Variants in SYTL5 observed in about 807,000 individuals in gnomAD.
SYTL5 encodes the protein synaptotagmin-like protein 5.
In SYTL5, 34 loss-of-function variants were observed where a neutral mutation model predicts 55.9. The observed-to-expected ratio is 0.61, with a 90% CI of 0.46 to 0.81. The LOEUF (loss-of-function observed/expected upper bound fraction) is 0.81, where lower values mean the gene tolerates loss of function less well. Among genes scored for constraint, SYTL5 ranks in the 30% least tolerant of loss-of-function variants. The pLI, the probability that SYTL5 is intolerant of heterozygous loss-of-function variation, is 0.00. For synonymous variants in SYTL5, 221 were observed against 188.7 expected, an observed-to-expected ratio of 1.17 and a Z score of -1.40; for missense variants, 637 against 546.7, an observed-to-expected ratio of 1.17 and a Z score of -1.65.
chrX:38,014,154 G>A (rs1281534993), intron 1 of SYTL5, among the ~76,000 whole-genome samples: 3 of 112,508 alleles, frequency 2.7e-5, no homozygotes, highest in African/African-American at 9.7e-5. Context: ...CTGGGCACTG[G>A]TATAAATTTG....
At chrX:38,053,327 C>T (rs2147296888) in intron 2 of SYTL5, among the ~76,000 whole-genome samples, 1 of 112,617 alleles carries the variant, frequency 8.9e-6, no homozygotes, top group Admixed American at 9.4e-5. Context: ...AAGCAGCATG[C>T]TGGGAACTTT....
chrX:38,087,071 C>T (rs1275062887), intron 6 of SYTL5, among the ~76,000 whole-genome samples: 2 of 111,070 alleles, frequency 1.8e-5, no homozygotes, highest in Non-Finnish European at 3.8e-5. Context: ...CATGATGGGG[C>T]GTTTCTCAAA....
At chrX:37,905,386 G>A in the SYTL5 span, among the ~76,000 whole-genome samples, 4 of 96,549 alleles carry the variant, frequency 4.1e-5, no homozygotes, top group Admixed American at 3.4e-4. Context: ...TTTGGGCATA[G>A]CCATATCCAC....
At chrX:38,090,719 G>A (rs1013938659) in intron 7 of SYTL5, among the ~76,000 whole-genome samples, 1 of 112,696 alleles carries the variant, frequency 8.9e-6, no homozygotes, top group Non-Finnish European at 1.9e-5. Context: ...GGGGCAAGGT[G>A]TTCCACCACG....
the SYTL5 span, chrX:37,906,267 A>T: frequency 8.9e-6 from 1 of 112,094 alleles, no homozygotes; most frequent in Non-Finnish European, 1.9e-5. Context: ...TGGAGACAGA[A>T]AGTTAGATTT....
At chrX:38,121,441 A>T (rs1937570141) in intron 14 of SYTL5, among the ~76,000 whole-genome samples, 2 of 112,176 alleles carry the variant, frequency 1.8e-5, no homozygotes, top group Admixed American at 1.9e-4. Context: ...TCCTCACTTC[A>T]AAGGGCTGTT....
At chrX:38,046,611 C>T (rs2017696973) in intron 2 of SYTL5, among the ~76,000 whole-genome samples, 1 of 111,564 alleles carries the variant, frequency 9.0e-6, no homozygotes, top group African/African-American at 3.3e-5. Flanking sequence ...CAAACCATAT[C>T]ATTCTGCCTC....
intron 12 of SYTL5, 52 bp downstream of exon 12, chrX:38,108,751 A>AACCATTGAAGTTG: frequency 1.3e-6 from 1 of 792,136 alleles, no homozygotes; most frequent in Non-Finnish European, 1.9e-6. Flanking sequence ...CACAACTTCA[A>AACCATTGAAGTTG]TGGTTTAGAA....
At chrX:37,975,852 G>T in the SYTL5 span, among the ~76,000 whole-genome samples, 10 of 111,751 alleles carry the variant, frequency 8.9e-5, no homozygotes, top group Middle Eastern at 9.1e-3. Context: ...TAATCCTGTT[G>T]TTTTCAGGAT....
chrX:38,003,215 C>T (rs1348151677), upstream of SYTL5, among the ~76,000 whole-genome samples: 4 of 111,305 alleles, frequency 3.6e-5, no homozygotes, highest in Non-Finnish European at 3.8e-5. Context: ...CTGTTCTGTT[C>T]CATTGGTCTA....
rs768787076 is a variant in SYTL5, at chrX:38,099,212, A to G, written c.1062+2978A>G. ...AGCAAGGAAAATAGCTGGAAAAGTGATAATTGTTAAAACTAGGTAATCAGT... is the reference window on the plus strand; with the variant it reads ...AGCAAGGAAAATAGCTGGAAAAGTGGTAATTGTTAAAACTAGGTAATCAGT... On this transcript the variant is annotated intron_variant, in intron 9 of 16. Transcript: ENST00000297875. Among the ~76,000 whole-genome samples the G allele has an allele frequency of 1.5e-4, 17 of 111,222 alleles. No homozygotes were observed. The East Asian group carries it at 4.2e-3, about 28-fold the overall frequency.
At chrX:38,041,722 A>G (rs1935294837) in intron 2 of SYTL5, among the ~76,000 whole-genome samples, 1 of 112,490 alleles carries the variant, frequency 8.9e-6, no homozygotes, top group African/African-American at 3.2e-5. Flanking sequence ...CGTTACTTGT[A>G]AGGTGCACCA....
At chrX:38,032,322 G>A (rs2147194488) in intron 1 of SYTL5, among the ~76,000 whole-genome samples, 1 of 112,109 alleles carries the variant, frequency 8.9e-6, no homozygotes, top group Non-Finnish European at 1.9e-5. Flanking sequence ...AGCAGCTTTA[G>A]AGAGAGAATC....
At chrX:38,114,102 G>C (rs1172448746) in intron 13 of SYTL5, among the ~76,000 whole-genome samples, 1 of 111,259 alleles carries the variant, frequency 9.0e-6, no homozygotes, top group Admixed American at 9.5e-5. Flanking sequence ...AAGTGCCTTA[G>C]CATCTTCTGG....
chrX:38,009,704 A>G (rs1289847102), intron 1 of SYTL5, among the ~76,000 whole-genome samples: 4 of 111,183 alleles, frequency 3.6e-5, no homozygotes, highest in African/African-American at 1.3e-4. Flanking sequence ...CAGAAAGTCC[A>G]CACCTCATGG....
chrX:37,997,237 C>T, the SYTL5 span, among the ~76,000 whole-genome samples: 2 of 112,266 alleles, frequency 1.8e-5, no homozygotes, highest in Admixed American at 1.9e-4. Context: ...CTTTGTGGAG[C>T]TGGTGGGAGC....
At chrX:37,994,984 C>T in the SYTL5 span, among the ~76,000 whole-genome samples, 1 of 111,299 alleles carries the variant, frequency 9.0e-6, no homozygotes, top group Admixed American at 9.5e-5. Context: ...AAGCTATCCC[C>T]AGAGAGCTGA....
At chrX:37,925,474 C>T in the SYTL5 span, among the ~76,000 whole-genome samples, 2 of 111,861 alleles carry the variant, frequency 1.8e-5, no homozygotes, top group East Asian at 2.8e-4. Context: ...TTTTCTGTAG[C>T]AGCTCTGCTA....
intron 1 of SYTL5, among the ~76,000 whole-genome samples, chrX:38,032,467 A>G (rs1369649865): frequency 4.5e-5 from 5 of 111,223 alleles, no homozygotes; most frequent in Admixed American, 9.6e-5. Context: ...AAAATAATTC[A>G]CAAACAACCA....
Sources: allele counts gnomAD v4.1 joint callset (sites outside exome capture counted in the v4.1 genomes callset), GRCh38; gene constraint gnomAD v4.1.1; transcripts MANE v1.5; gene names NCBI Gene and HGNC (gene_info 2026-07-23, HGNC 2026-07-21).